The following MCUB variants were observed in gnomAD, a reference collection of about 807,000 sequenced individuals.
The protein encoded by MCUB is calcium uniporter regulatory subunit MCUb, mitochondrial.
In MCUB, 46 loss-of-function variants were observed where a neutral mutation model predicts 41.4. The ratio of observed to expected loss-of-function variants is 1.11; its 90% confidence interval spans 0.88 to 1.42. The LOEUF (loss-of-function observed/expected upper bound fraction) is 1.42. Among genes scored for constraint, MCUB ranks in the 40% most tolerant of loss-of-function variants. The probability of loss-of-function intolerance (pLI) is 0.00; values close to 1 mark genes in which losing one functional copy is unlikely to be tolerated. For synonymous variants in MCUB, 148 were observed against 148.2 expected (o/e 1.00, Z 0.01); for missense variants, 403 against 404.9 (o/e 1.00, Z 0.04).
chr4:109,649,503 A>G (rs1728912759), intron 1 of MCUB, among the ~76,000 whole-genome samples: 2 of 152,184 alleles, frequency 1.3e-5, no homozygotes. Context: ...TCAAAATGGT[A>G]GGTTATCTGA....
At chr4:109,678,056 A>C (rs931072633) in intron 4 of MCUB, among the ~76,000 whole-genome samples, 1 of 151,932 alleles carries the variant, frequency 6.6e-6, no homozygotes, top group Non-Finnish European at 1.5e-5. Flanking sequence ...CTGTTTAACA[A>C]AGCACATCTT....
At chr4:109,600,067 T>C (rs987785569) in intron 1 of MCUB, among the ~76,000 whole-genome samples, 6 of 152,250 alleles carry the variant, frequency 3.9e-5, no homozygotes, top group Admixed American at 3.9e-4. Flanking sequence ...GAAAACTGTT[T>C]GTTGGACCAG....
intron 1 of MCUB, among the ~76,000 whole-genome samples, chr4:109,627,238 T>C (rs10017480): frequency 0.097 from 14,825 of 152,230 alleles, 810 homozygotes; most frequent in Middle Eastern, 0.12. Context: ...TGACAGAAGA[T>C]GACCAGTGTT....
At chr4:109,587,975 C>G (rs1358457094) in intron 1 of MCUB, among the ~76,000 whole-genome samples, 1 of 152,148 alleles carries the variant, frequency 6.6e-6, no homozygotes, top group African/African-American at 2.4e-5. Flanking sequence ...TGGTTAGTAG[C>G]TATAATATAA....
intron 1 of MCUB, among the ~76,000 whole-genome samples, chr4:109,579,560 C>G (rs1273669588): frequency 6.6e-6 from 1 of 152,142 alleles, no homozygotes; most frequent in African/African-American, 2.4e-5. Flanking sequence ...TAGCATTAGG[C>G]AGGTTTTGCA....
chr4:109,583,594 A>G (rs1727235721), intron 1 of MCUB, among the ~76,000 whole-genome samples: 1 of 152,192 alleles, frequency 6.6e-6, no homozygotes. Flanking sequence ...AACTTCCAAC[A>G]CTGTGTTGAA....
intron 1 of MCUB, among the ~76,000 whole-genome samples, chr4:109,598,533 C>T (rs1023287607): frequency 2.6e-5 from 4 of 151,906 alleles, no homozygotes; most frequent in African/African-American, 9.7e-5. Flanking sequence ...TGCAGTGAGC[C>T]GAGATGGCAG....
At chr4:109,562,951 A>C (rs1008498386) in intron 1 of MCUB, among the ~76,000 whole-genome samples, 1 of 152,266 alleles carries the variant, frequency 6.6e-6, no homozygotes, top group Non-Finnish European at 1.5e-5. Context: ...TCTGAAGCGT[A>C]GTAGAGCAAG....
At chr4:109,638,648 G>A (rs1027158540) in intron 1 of MCUB, among the ~76,000 whole-genome samples, 5 of 152,024 alleles carry the variant, frequency 3.3e-5, no homozygotes, top group East Asian at 1.9e-4. Context: ...TTTTATGATC[G>A]ATTCTCTGTA....
Position 109,577,631 on chromosome 4 carries a change from A to G in MCUB, c.99+17195A>G, listed in dbSNP as rs1164002467. Among the ~76,000 whole-genome samples the G allele has an allele frequency of 1.2e-4, 6 of 50,894 alleles. 2 individuals carry two copies. In the Admixed American group the frequency reaches 1.8e-3, roughly 15 times the overall value. 33.4% of individuals were successfully genotyped at this position (50,894 alleles called of 152,430 possible). On this transcript the variant is annotated intron_variant, in intron 1 of 7. Transcript: ENST00000394650. Reference sequence around the variant, plus strand: ...TTTTTTTTTTTTTTTTTTTTTTGAGATGGAGTCTCGCTCTGTCGCCCAGAC... The same window carrying G: ...TTTTTTTTTTTTTTTTTTTTTTGAGGTGGAGTCTCGCTCTGTCGCCCAGAC...
intron 1 of MCUB, among the ~76,000 whole-genome samples, chr4:109,578,776 A>G (rs528616680): frequency 1.3e-5 from 2 of 151,842 alleles, no homozygotes; most frequent in Non-Finnish European, 1.5e-5. Flanking sequence ...AAAGAATCTC[A>G]TGCTTTCAAA....
chr4:109,628,130 T>G (rs1354040074), intron 1 of MCUB, among the ~76,000 whole-genome samples: 4 of 151,994 alleles, frequency 2.6e-5, no homozygotes, highest in Non-Finnish European at 2.9e-5. Flanking sequence ...GAGGCAACAT[T>G]TGAGCGAGTT....
chr4:109,653,090 G>C (rs1456606410), intron 1 of MCUB, among the ~76,000 whole-genome samples: 1 of 152,212 alleles, frequency 6.6e-6, no homozygotes, highest in East Asian at 1.9e-4. Flanking sequence ...TATAAAGAAC[G>C]GTCAGGCTGG....
intron 1 of MCUB, among the ~76,000 whole-genome samples, chr4:109,584,083 C>CT (rs1444212867): frequency 6.6e-6 from 1 of 152,082 alleles, no homozygotes; most frequent in East Asian, 1.9e-4. Flanking sequence ...TGGTCCTGGA[C>CT]TTTTTTTGGT....
chr4:109,637,187 G>C (rs1487784970), intron 1 of MCUB, among the ~76,000 whole-genome samples: 2 of 152,186 alleles, frequency 1.3e-5, no homozygotes, highest in Non-Finnish European at 2.9e-5. Flanking sequence ...AGTAAAGTAA[G>C]GTCACTTGGA....
chr4:109,601,961 A>G (rs572692912), intron 1 of MCUB, among the ~76,000 whole-genome samples: 1 of 152,200 alleles, frequency 6.6e-6, no homozygotes, highest in East Asian at 1.9e-4. Context: ...TGTAGTTTTG[A>G]TTTGCATTTC....
At chr4:109,580,356 G>C (rs552790823) in intron 1 of MCUB, among the ~76,000 whole-genome samples, 7 of 151,966 alleles carry the variant, frequency 4.6e-5, no homozygotes, top group African/African-American at 1.7e-4. Context: ...GCATGTGTCT[G>C]TATAGTAGCA....
chr4:109,641,147 G>A (rs191276236), intron 1 of MCUB, among the ~76,000 whole-genome samples: 118 of 152,146 alleles, frequency 7.8e-4, no homozygotes, highest in Non-Finnish European at 5.6e-4. Flanking sequence ...CTGTCGCCCC[G>A]GCTGGCGTGA....
chr4:109,614,987 A>G (rs1728094688), intron 1 of MCUB, among the ~76,000 whole-genome samples: 1 of 152,170 alleles, frequency 6.6e-6, no homozygotes. Flanking sequence ...TAACCTTAGG[A>G]TTTGACAGAA....
Sources: allele counts gnomAD v4.1 joint callset (sites outside exome capture counted in the v4.1 genomes callset), GRCh38; gene constraint gnomAD v4.1.1; transcripts MANE v1.5; gene names NCBI Gene and HGNC (gene_info 2026-07-23, HGNC 2026-07-21).